THSD7A: variants seen among roughly 807,000 people sequenced by gnomAD.
The protein encoded by THSD7A is thrombospondin type 1 domain containing 7A.
Under a neutral mutation model 231.3 loss-of-function variants are expected in THSD7A, and 96 were observed. The observed-to-expected ratio is 0.41, with a 90% CI of 0.35 to 0.49. The LOEUF is 0.49. Among genes scored for constraint, THSD7A ranks in the 20% least tolerant of loss-of-function variants. The pLI is 0.05. For synonymous variants in THSD7A, 940 were observed against 743.3 expected, an observed-to-expected ratio of 1.26 and a Z score of -4.30; for missense variants, 2,290 against 2,070.2, an observed-to-expected ratio of 1.11 and a Z score of -2.06.
chr7:11,807,193 G>C lies in THSD7A; in HGVS notation c.190+24564C>G, dbSNP rs188401731. ...CCTTAGCCCTTCTCCACTGCACGTG[G>C]TAATTGGGGGCAGCCATATGGGTAG... On this transcript the variant is annotated intron_variant, in intron 1 of 27. Coordinates refer to ENST00000423059, the MANE Select transcript of THSD7A (RefSeq NM_015204.3). Among the ~76,000 whole-genome samples the C allele has an allele frequency of 1.2e-3, 190 of 152,212 alleles. 1 individual carries two copies. Among genetic ancestry groups the C allele is most frequent in the Non-Finnish European group, 2.0e-3 (138 of 68,012 alleles).
At chr7:11,437,985 A>G (rs998838838) in intron 13 of THSD7A, among the ~76,000 whole-genome samples, 31 of 151,644 alleles carry the variant, frequency 2.0e-4, no homozygotes, top group Non-Finnish European at 3.8e-4. Flanking sequence ...TATAATTTTT[A>G]AAGTTCATCC....
intron 18 of THSD7A, 55 bp downstream of exon 18, chr7:11,412,601 G>A: frequency 9.4e-6 from 15 of 1,604,230 alleles, no homozygotes; most frequent in Non-Finnish European, 1.3e-5. Flanking sequence ...ATGCTTCAGA[G>A]CTGACAGACA....
chr7:11,451,963 G>A (rs1785160802), intron 11 of THSD7A, among the ~76,000 whole-genome samples: 1 of 152,018 alleles, frequency 6.6e-6, no homozygotes, highest in South Asian at 2.1e-4. Context: ...TAAATTGCCT[G>A]ATCCAAAATG....
At chr7:11,544,833 T>A (rs1402008441) in intron 4 of THSD7A, among the ~76,000 whole-genome samples, 2 of 43,542 alleles carry the variant, frequency 4.6e-5, no homozygotes, top group African/African-American at 9.2e-5. Flanking sequence ...ACTCCCACAC[T>A]CGCCACTACA....
intron 23 of THSD7A, among the ~76,000 whole-genome samples, chr7:11,394,700 G>A (rs777880282): frequency 6.6e-6 from 1 of 152,120 alleles, no homozygotes; most frequent in East Asian, 1.9e-4. Context: ...TTGGAATCAC[G>A]CCTACACTGA....
chr7:11,637,496 A>C lies in THSD7A; in HGVS notation c.191-535T>G, dbSNP rs1182537855. On this transcript the variant is annotated intron_variant, in intron 1 of 27. Coordinates refer to ENST00000423059, the MANE Select transcript of THSD7A (RefSeq NM_015204.3). The surrounding 1 kb of genome is among the most constrained non-coding windows in gnomAD (Gnocchi z 4.2). ...CTAATAGTTGTATATCATGTGTGCC[A>C]CTAGAGCTTAAAGTGTTCACTCTCT... Among the ~76,000 whole-genome samples, 1 of 152,210 alleles carries C rather than the reference A, an allele frequency of 6.6e-6. No individual in the cohort carries two copies. Among genetic ancestry groups the C allele is most frequent in the Non-Finnish European group, 1.5e-5 (1 of 68,042 alleles).
At chr7:11,724,315 C>T (rs2128154523) in intron 1 of THSD7A, among the ~76,000 whole-genome samples, 1 of 152,014 alleles carries the variant, frequency 6.6e-6, no homozygotes, top group East Asian at 2.0e-4. Flanking sequence ...AGTCTTCCTG[C>T]AGCCAAGCCA....
At position 11,542,962 on chromosome 7, in the gene THSD7A, C is replaced by G. The variant is rs747114325; in HGVS notation, c.1609G>C (p.Gly537Arg). ...ENCNDQQGKK[G>R]FKLRKRRITN... ...GGCATGTCATGGTCACGTTACCTAC[C>G]TTTTTTCCCTTGCTGATCATTACAG... The change falls in exon 5 of 28, where the codon GGC becomes CGC. Residue 537 changes from glycine (G) to arginine (R), a missense_variant and splice_region_variant. Coordinates refer to ENST00000423059, the MANE Select transcript of THSD7A (RefSeq NM_015204.3). The G allele has an allele frequency of 6.2e-7, 1 of 1,612,352 alleles. No individual in the cohort carries two copies. Among genetic ancestry groups the G allele is most frequent in the Admixed American group, 1.7e-5 (1 of 59,762 alleles).
At chr7:11,469,038 TTAAAA>T (rs1785827186) in intron 9 of THSD7A, among the ~76,000 whole-genome samples, 1 of 152,074 alleles carries the variant, frequency 6.6e-6, no homozygotes. Flanking sequence ...TTTTGACAAC[TTAAAA>T]TAGTTTGTTA....
chr7:11,583,505 G>A (rs558301811), intron 4 of THSD7A, among the ~76,000 whole-genome samples: 14 of 152,126 alleles, frequency 9.2e-5, no homozygotes, highest in African/African-American at 3.4e-4. Context: ...CGAACTCCCA[G>A]ACTCAAGTTA....
chr7:11,631,570 A>G (rs1032400436), intron 2 of THSD7A, among the ~76,000 whole-genome samples: 5 of 152,170 alleles, frequency 3.3e-5, no homozygotes, highest in Non-Finnish European at 7.4e-5. Flanking sequence ...TTGATTTTAT[A>G]GATAGTAAAG....
At chr7:11,541,082 T>C (rs1386907710) in intron 6 of THSD7A, among the ~76,000 whole-genome samples, 1 of 152,234 alleles carries the variant, frequency 6.6e-6, no homozygotes, top group Admixed American at 6.5e-5. Context: ...ATAGACTTTT[T>C]TAAAAAAGTC....
intron 6 of THSD7A, among the ~76,000 whole-genome samples, chr7:11,539,536 T>A (rs193037139): frequency 6.6e-6 from 1 of 152,252 alleles, no homozygotes; most frequent in Admixed American, 6.5e-5. Flanking sequence ...TTTTAGGTTA[T>A]AACATACATT....
chr7:11,417,150 C>A (rs928858769), intron 17 of THSD7A, among the ~76,000 whole-genome samples: 1 of 152,156 alleles, frequency 6.6e-6, no homozygotes, highest in African/African-American at 2.4e-5. Flanking sequence ...ATCACCACTG[C>A]AGTTTTTAAC....
intron 1 of THSD7A, among the ~76,000 whole-genome samples, chr7:11,771,058 T>G (rs1326039040): frequency 6.6e-6 from 1 of 151,136 alleles, no homozygotes; most frequent in East Asian, 2.0e-4. Context: ...TAAAAATTTT[T>G]TTCTCATAGA....
chr7:11,456,963 GAC>G (rs1000685574), intron 11 of THSD7A, among the ~76,000 whole-genome samples: 2 of 151,864 alleles, frequency 1.3e-5, no homozygotes, highest in African/African-American at 4.8e-5. Flanking sequence ...GGAGTACAAG[GAC>G]ACAATAATTT....
chr7:11,391,946 A>G (rs375517867), intron 23 of THSD7A, among the ~76,000 whole-genome samples: 55 of 152,086 alleles, frequency 3.6e-4, no homozygotes, highest in African/African-American at 1.1e-3. Flanking sequence ...ACGAGTCCCA[A>G]TGAAATGAAT....
chr7:11,628,067 T>C (rs1011487584), intron 2 of THSD7A, among the ~76,000 whole-genome samples: 5 of 152,140 alleles, frequency 3.3e-5, no homozygotes, highest in Admixed American at 1.3e-4. Flanking sequence ...AAAGTTTTAA[T>C]TATTGTGATT....
At chr7:11,412,276 G>C (rs1783811776) in intron 18 of THSD7A, among the ~76,000 whole-genome samples, 1 of 152,146 alleles carries the variant, frequency 6.6e-6, no homozygotes, top group Admixed American at 6.6e-5. Flanking sequence ...CTCATGAATT[G>C]TTGCCCCAGT....
Sources: allele counts gnomAD v4.1 joint callset (sites outside exome capture counted in the v4.1 genomes callset), GRCh38; gene constraint gnomAD v4.1.1; non-coding constraint Gnocchi (gnomAD v3.1); transcripts MANE v1.5; gene names NCBI Gene and HGNC (gene_info 2026-07-23, HGNC 2026-07-21).